Variants in ARFGAP3 observed in about 807,000 individuals in gnomAD.
ARFGAP3 encodes the protein ADP-ribosylation factor GTPase-activating protein 3.
A neutral mutation model predicts 75.0 loss-of-function variants in ARFGAP3; 72 were observed. That is an observed-to-expected ratio of 0.96 (90% CI 0.79 to 1.17). The LOEUF (loss-of-function observed/expected upper bound fraction) is 1.17. Among genes scored for constraint, ARFGAP3 ranks in the 50% most tolerant of loss-of-function variants. The pLI, the probability that ARFGAP3 is intolerant of heterozygous loss-of-function variation, is 0.00. For missense variants in ARFGAP3, 620 were observed against 626.6 expected, an observed-to-expected ratio of 0.99 and a Z score of 0.11; for synonymous variants, 221 against 217.9, an observed-to-expected ratio of 1.01 and a Z score of -0.13.
At chr22:42,805,738 C>T (rs530643568) in intron 14 of ARFGAP3, among the ~76,000 whole-genome samples, 1 of 152,338 alleles carries the variant, frequency 6.6e-6, no homozygotes, top group Non-Finnish European at 1.5e-5. Context: ...TCAGGGGAGC[C>T]GTGGCCCTGG....
At chr22:42,812,129 T>C (rs1307485567) in intron 11 of ARFGAP3, among the ~76,000 whole-genome samples, 2 of 148,132 alleles carry the variant, frequency 1.4e-5, no homozygotes, top group Non-Finnish European at 3.0e-5. Context: ...TCCCAGCTAC[T>C]TGGGAGGCTC....
chr22:42,838,290 A>ATATATTTTT (rs1555899059), intron 3 of ARFGAP3, among the ~76,000 whole-genome samples: 3 of 137,204 alleles, frequency 2.2e-5, no homozygotes, highest in Non-Finnish European at 3.1e-5. Context: ...ATATATATAT[A>ATATATTTTT]TTTTTTTTTT....
chr22:42,813,405 G>A (rs1421655978), intron 11 of ARFGAP3, among the ~76,000 whole-genome samples: 1 of 152,202 alleles, frequency 6.6e-6, no homozygotes, highest in Non-Finnish European at 1.5e-5. Flanking sequence ...GGTGCAGGGT[G>A]AGGGTGGGGT....
At chr22:42,824,170 A>ATT (rs57620930) in intron 7 of ARFGAP3, among the ~76,000 whole-genome samples, 18 of 59,826 alleles carry the variant, frequency 3.0e-4, no homozygotes, top group African/African-American at 1.0e-3. Flanking sequence ...ACATCTGGCT[A>ATT]TTTTTTTTTT....
chr22:42,820,856 A>G (rs1925782584), intron 9 of ARFGAP3, among the ~76,000 whole-genome samples: 1 of 152,092 alleles, frequency 6.6e-6, no homozygotes, highest in African/African-American at 2.4e-5. Context: ...CGGAAAACCG[A>G]TCTCTTCACT....
At chr22:42,848,407 A>G (rs1211402960) in intron 1 of ARFGAP3, among the ~76,000 whole-genome samples, 1 of 151,984 alleles carries the variant, frequency 6.6e-6, no homozygotes, top group Non-Finnish European at 1.5e-5. Flanking sequence ...ATGGGGTTTC[A>G]CCGTGTTAGC....
chr22:42,806,824 C>A (rs9611911), intron 14 of ARFGAP3, among the ~76,000 whole-genome samples: 1 of 152,222 alleles, frequency 6.6e-6, no homozygotes, highest in Admixed American at 6.5e-5. Context: ...CTAGAAAACA[C>A]TCCTCTATGA....
At chr22:42,832,275 C>A in intron 5 of ARFGAP3, among the ~76,000 whole-genome samples, 1 of 151,700 alleles carries the variant, frequency 6.6e-6, no homozygotes, top group Non-Finnish European at 1.5e-5. Flanking sequence ...CATCTGTAAT[C>A]CCAGCATTTT....
At chr22:42,854,838 T>C (rs2146595088) in intron 1 of ARFGAP3, among the ~76,000 whole-genome samples, 1 of 152,302 alleles carries the variant, frequency 6.6e-6, no homozygotes, top group Non-Finnish European at 1.5e-5. Context: ...TTCGTTTAGG[T>C]AAGGGTTTCA....
chr22:42,852,147 C>T (rs966600454), intron 1 of ARFGAP3, among the ~76,000 whole-genome samples: 7 of 151,866 alleles, frequency 4.6e-5, no homozygotes, highest in African/African-American at 9.7e-5. Context: ...CTCTGCCTCC[C>T]GAGCTCAAGC....
chr22:42,823,743 T>C (rs1489569769), intron 7 of ARFGAP3, 41 bp from the exon 8 acceptor site: 1 of 1,465,934 alleles, frequency 6.8e-7, no homozygotes, highest in Non-Finnish European at 9.2e-7. Context: ...CCAATAGAAA[T>C]AATTTTTCTT....
intron 6 of ARFGAP3, among the ~76,000 whole-genome samples, chr22:42,828,144 C>G (rs1393553082): frequency 6.6e-6 from 1 of 151,198 alleles, no homozygotes; most frequent in Admixed American, 6.6e-5. Flanking sequence ...AGATGAGGGC[C>G]AGGTGTGGTG....
chr22:42,823,408 C>A (rs1343804687), intron 8 of ARFGAP3, among the ~76,000 whole-genome samples: 1 of 151,844 alleles, frequency 6.6e-6, no homozygotes, highest in African/African-American at 2.4e-5. Flanking sequence ...CCCAGGGGAC[C>A]TTTGTTAATT....
intron 14 of ARFGAP3, among the ~76,000 whole-genome samples, chr22:42,804,142 G>A (rs937411125): frequency 2.6e-5 from 4 of 151,640 alleles, no homozygotes; most frequent in African/African-American, 9.7e-5. Context: ...GAGCTCAAGC[G>A]ATACGTCTTC....
At chr22:42,825,026 G>A (rs1206823399) in intron 7 of ARFGAP3, among the ~76,000 whole-genome samples, 3 of 152,084 alleles carry the variant, frequency 2.0e-5, no homozygotes, top group East Asian at 3.8e-4. Flanking sequence ...TCTTTTTTAC[G>A]GCTGCATAAA....
chr22:42,848,392 T>C (rs1432143525), intron 1 of ARFGAP3, among the ~76,000 whole-genome samples: 1 of 151,958 alleles, frequency 6.6e-6, no homozygotes, highest in Non-Finnish European at 1.5e-5. Flanking sequence ...GTATATTTAG[T>C]AGAGATGGGG....
chr22:42,837,675 C>CTTTTTTTTTTTTTTTTTTTTTTTTTTTTT (rs71186547), intron 3 of ARFGAP3, among the ~76,000 whole-genome samples: 4 of 75,662 alleles, frequency 5.3e-5, no homozygotes, highest in East Asian at 6.1e-4. Flanking sequence ...AGGCATACTT[C>CTTTTTTTTTTTTTTTTTTTTTTTTTTTTT]TTTTTTTTTT....
intron 14 of ARFGAP3, among the ~76,000 whole-genome samples, chr22:42,805,539 T>C (rs541069198): frequency 2.6e-5 from 4 of 152,132 alleles, no homozygotes; most frequent in Admixed American, 6.5e-5. Flanking sequence ...CAAAAGGAAG[T>C]TGCCCTGACA....
At chr22:42,829,120 T>C (rs1260233459) in intron 6 of ARFGAP3, among the ~76,000 whole-genome samples, 3 of 152,218 alleles carry the variant, frequency 2.0e-5, no homozygotes, top group Admixed American at 6.5e-5. Context: ...TTCTCTCTGA[T>C]TGATAACGGT....
Sources: gnomAD v4.1 joint callset for allele counts (sites outside exome capture counted in the v4.1 genomes callset) on GRCh38, gnomAD v4.1.1 for gene constraint, MANE v1.5 for transcripts, NCBI Gene and HGNC (gene_info 2026-07-23, HGNC 2026-07-21) for gene names.